The following CCNH variants were observed in gnomAD, a reference collection of about 807,000 sequenced individuals.
The protein encoded by CCNH is cyclin-H.
In CCNH, 31 loss-of-function variants were observed where a neutral mutation model predicts 41.9. That is an observed-to-expected ratio of 0.74 (90% CI 0.56 to 1.00). The LOEUF is 1.00. CCNH is among the 50% of genes least tolerant of loss of function. The pLI, the probability that CCNH is intolerant of heterozygous loss-of-function variation, is 0.00. For missense variants in CCNH, 362 were observed against 388.4 expected, an observed-to-expected ratio of 0.93 and a Z score of 0.57; for synonymous variants, 138 against 136.1, an observed-to-expected ratio of 1.01 and a Z score of -0.10.
rs1378187320 is a variant in CCNH at position 87,408,167 on chromosome 5, C to T, written c.334G>A (p.Ala112Thr). The change falls in exon 4 of 9, where the codon GCC (alanine) becomes ACC (threonine). Residue 112 changes from alanine (A) to threonine (T), a missense_variant. Ala to Thr is a moderately conservative substitution (Grantham distance 58). Transcript: ENST00000256897. ...RIIMLTCAFL[A>T]CKVDEFNVSS... ...ACATTGAATTCATCTACTTTGCAGG[C>T]CAAAAATGCACAAGTGAGCCTAGAG... The T allele has an allele frequency of 6.3e-7, 1 of 1,591,592 alleles. No individual in the cohort carries two copies. Among genetic ancestry groups the T allele is most frequent in the Admixed American group, 1.7e-5 (1 of 58,272 alleles).
At chr5:87,314,040 A>G (rs1756127566), downstream of CCNH, among the ~76,000 whole-genome samples, 1 of 152,152 alleles carries the variant, frequency 6.6e-6, no homozygotes. Context: ...GTGGTGGCAC[A>G]TGCCTGTAAT....
intron 5 of CCNH, 42 bp from the exon 6 acceptor site, chr5:87,401,814 C>T (rs375296853): frequency 1.7e-6 from 2 of 1,177,794 alleles, no homozygotes; most frequent in African/African-American, 3.1e-5. Context: ...AAACATACAG[C>T]ACATTGAGAA....
chr5:87,328,432 T>C (rs1250850127), intron 9 of CCNH, among the ~76,000 whole-genome samples: 1 of 152,202 alleles, frequency 6.6e-6, no homozygotes, highest in Non-Finnish European at 1.5e-5. Flanking sequence ...TGATTAAATA[T>C]GTTTTCTTGT....
chr5:87,373,347 AG>A (rs539622438), downstream of CCNH, among the ~76,000 whole-genome samples: 375 of 152,210 alleles, frequency 2.5e-3, 3 homozygotes, highest in African/African-American at 8.9e-3. Flanking sequence ...TACGGCATAC[AG>A]GGGGGCATGC....
At chr5:87,330,924 T>C (rs891313755) in intron 9 of CCNH, 2 of 1,393,056 alleles carry the variant, frequency 1.4e-6, no homozygotes, top group African/African-American at 2.9e-5. Context: ...ATAAAACATT[T>C]TATATTCTCA....
chr5:87,385,863 A>G (rs571029899), intron 9 of CCNH, among the ~76,000 whole-genome samples: 131 of 152,156 alleles, frequency 8.6e-4, no homozygotes, highest in African/African-American at 2.9e-3. Context: ...GTGGAAATAG[A>G]TAACTCTTTC....
intron 9 of CCNH, among the ~76,000 whole-genome samples, chr5:87,327,870 CAGG>C (rs1294953904): frequency 1.3e-5 from 2 of 151,222 alleles, no homozygotes; most frequent in Non-Finnish European, 2.9e-5. Flanking sequence ...GAGGCAGAGA[CAGG>C]AGAATCACTT....
downstream of CCNH, among the ~76,000 whole-genome samples, chr5:87,313,880 T>A (rs1756112379): frequency 6.6e-6 from 1 of 152,070 alleles, no homozygotes; most frequent in Non-Finnish European, 1.5e-5. Flanking sequence ...TGAAAATGCA[T>A]GTTTGGGCCG....
chr5:87,358,481 G>A (rs572252989), intron 9 of CCNH, among the ~76,000 whole-genome samples: 4 of 152,076 alleles, frequency 2.6e-5, no homozygotes, highest in Non-Finnish European at 5.9e-5. Context: ...TATCTAACCT[G>A]TCAGGAAGAT....
intron 9 of CCNH, among the ~76,000 whole-genome samples, chr5:87,321,982 A>G (rs1020654321): frequency 2.0e-5 from 3 of 152,202 alleles, no homozygotes; most frequent in Non-Finnish European, 4.4e-5. Context: ...TTGTAATAAA[A>G]GACTATAACA....
downstream of CCNH, among the ~76,000 whole-genome samples, chr5:87,314,086 T>C (rs1340785546): frequency 6.6e-6 from 1 of 152,130 alleles, no homozygotes; most frequent in East Asian, 1.9e-4. Context: ...GGCAGGAGAA[T>C]CGCTTGAACC....
downstream of CCNH, chr5:87,392,113 G>A (rs1189794936): frequency 2.7e-6 from 1 of 375,454 alleles, no homozygotes; most frequent in East Asian, 5.9e-5. Context: ...AATTGTGCAG[G>A]GCAGATAGAT....
At chr5:87,383,859 CTTTTT>C in intron 9 of CCNH, 2 of 897,548 alleles carry the variant, frequency 2.2e-6, no homozygotes, top group Non-Finnish European at 3.3e-6. Context: ...ACTCTTAAAT[CTTTTT>C]TTTTTTTTTG....
intron 1 of CCNH, 69 bp downstream of exon 1, chr5:87,412,609 C>G: frequency 1.3e-6 from 2 of 1,584,004 alleles, no homozygotes; most frequent in South Asian, 2.3e-5. Flanking sequence ...TCCTGGGAGC[C>G]AGAAGAGCTC....
chr5:87,412,292 C>A (rs544153481), intron 1 of CCNH: 4 of 487,816 alleles, frequency 8.2e-6, no homozygotes, highest in Non-Finnish European at 1.1e-5. Flanking sequence ...TCTGACCTCC[C>A]TCCCACTCTG....
chr5:87,408,202 AGGAGGCAGGAGGCAGG>A lies in CCNH; in HGVS notation c.315-32_315-17del. On this transcript the variant is annotated splice_polypyrimidine_tract_variant and intron_variant, in intron 3 of 8. Transcript: ENST00000256897. ...ACAAGTGAGCCTAGAGGAAAAAATA[AGGAGGCAGGAGGCAGG>A]GGGTGGGTGGGGTGGAAGAACATGC... 1.0e-6 allele frequency: 1 copy of A among 990,642 alleles called. No individual in the cohort carries two copies. Among genetic ancestry groups the A allele is most frequent in the South Asian group, 1.4e-5 (1 of 70,658 alleles). 61.4% of individuals were successfully genotyped at this position (990,642 alleles called of 1,614,324 possible).
intron 9 of CCNH, among the ~76,000 whole-genome samples, chr5:87,330,589 A>G (rs1233129014): frequency 1.3e-5 from 2 of 152,170 alleles, no homozygotes; most frequent in Non-Finnish European, 2.9e-5. Context: ...TTCTGTTTAT[A>G]TCAGTCCATG....
At chr5:87,333,559 T>C (rs1757748136) in intron 9 of CCNH, among the ~76,000 whole-genome samples, 1 of 152,118 alleles carries the variant, frequency 6.6e-6, no homozygotes, top group African/African-American at 2.4e-5. Context: ...ATAGGAGAAA[T>C]AGTTAGGTTT....
In CCNH at chr5:87,350,410, C is replaced by G. The variant is rs77118969; in HGVS notation, c.*91-31513G>C. 7.5e-3 allele frequency among the ~76,000 whole-genome samples: 1,140 copies of G among 151,874 alleles called. 18 individuals are homozygous for G. Among genetic ancestry groups the G allele is most frequent in the African/African-American group, 0.027 (1,101 of 41,508 alleles). On this transcript the variant is annotated intron_variant and NMD_transcript_variant, in intron 9 of 9. Coordinates refer to the CCNH transcript ENST00000645953. ...ATTCCAGTTTTCTGGAGATTTAGAACATACAAAATAATGCACTGAAAATAT... is the reference window on the plus strand; with the variant it reads ...ATTCCAGTTTTCTGGAGATTTAGAAGATACAAAATAATGCACTGAAAATAT...
Sources: gnomAD v4.1 joint callset for allele counts (sites outside exome capture counted in the v4.1 genomes callset) on GRCh38, gnomAD v4.1.1 for gene constraint, MANE v1.5 for transcripts, NCBI Gene and HGNC (gene_info 2026-07-23, HGNC 2026-07-21) for gene names.